STXBP5L: variants seen among roughly 807,000 people sequenced by gnomAD.
STXBP5L encodes the protein syntaxin-binding protein 5-like.
In STXBP5L, 65 loss-of-function variants were observed where a neutral mutation model predicts 144.5. The observed-to-expected ratio is 0.45, with a 90% CI of 0.37 to 0.55. The LOEUF (loss-of-function observed/expected upper bound fraction) is 0.55. Ranked by LOEUF, STXBP5L falls within the 20% of genes least tolerant of loss-of-function variation. The pLI is 0.00. For missense variants in STXBP5L, 1,298 were observed against 1,405.5 expected, an observed-to-expected ratio of 0.92 and a Z score of 1.22; for synonymous variants, 505 against 469.6, an observed-to-expected ratio of 1.08 and a Z score of -0.97.
chr3:120,961,629 TTC>T (rs1419453847), intron 3 of STXBP5L, among the ~76,000 whole-genome samples: 1 of 152,230 alleles, frequency 6.6e-6, no homozygotes, highest in Non-Finnish European at 1.5e-5. Flanking sequence ...CTACATAGTA[TTC>T]CATGGTGTAT....
At chr3:120,908,784 G>T (rs1708667879) in intron 1 of STXBP5L, among the ~76,000 whole-genome samples, 1 of 151,028 alleles carries the variant, frequency 6.6e-6, no homozygotes, top group East Asian at 2.0e-4. Flanking sequence ...AGAGCGCGGC[G>T]GCGGCTGCGG....
At chr3:121,390,059 T>C (rs573254805) in intron 22 of STXBP5L, among the ~76,000 whole-genome samples, 4 of 152,376 alleles carry the variant, frequency 2.6e-5, no homozygotes, top group Non-Finnish European at 4.4e-5. Flanking sequence ...GCTTTATGAA[T>C]CTGGGTGCTC....
rs1363541569 is a variant in STXBP5L, at chr3:121,241,411, GCA to G, written c.1400+910_1400+911del. ...CACACACACACACACACACACACAC[GCA>G]CACACCTTTCTCCCACACACACAAG... On this transcript the variant is annotated intron_variant, in intron 14 of 26. Transcript: ENST00000471454. Among the ~76,000 whole-genome samples, 13 of 86,238 alleles carry G rather than the reference GCA, an allele frequency of 1.5e-4. No individual in the cohort carries two copies. In the East Asian group the frequency reaches 4.6e-3, roughly 30 times the overall value. The allele number at this position is 86,238 out of a possible 152,430, so 56.6% of individuals were successfully genotyped here. A position where few individuals can be genotyped will look rare whatever the true frequency, so the allele number is the denominator to read the frequency against.
intron 20 of STXBP5L, among the ~76,000 whole-genome samples, chr3:121,318,886 A>G (rs757784981): frequency 3.9e-5 from 6 of 152,222 alleles, no homozygotes; most frequent in Non-Finnish European, 7.4e-5. Context: ...GAGCTGAATT[A>G]GTGGGAAATA....
intron 20 of STXBP5L, among the ~76,000 whole-genome samples, chr3:121,338,593 A>AG (rs34370117): frequency 1.1e-4 from 2 of 17,922 alleles, no homozygotes; most frequent in South Asian, 5.0e-3. Flanking sequence ...CATTTCTGTC[A>AG]AAAAAAAAAA....
intron 9 of STXBP5L, among the ~76,000 whole-genome samples, chr3:121,196,652 G>A (rs115741131): frequency 5.5e-4 from 83 of 151,362 alleles, no homozygotes; most frequent in African/African-American, 2.0e-3. Context: ...TTGATTTGAG[G>A]TAATTTTGTT....
chr3:121,023,500 C>T (rs1191242254), intron 3 of STXBP5L, among the ~76,000 whole-genome samples: 1 of 152,112 alleles, frequency 6.6e-6, no homozygotes, highest in African/African-American at 2.4e-5. Flanking sequence ...AACTACACTA[C>T]AAGGCTATGG....
chr3:121,221,559 T>TA (rs1404001866), intron 10 of STXBP5L, among the ~76,000 whole-genome samples: 4 of 151,432 alleles, frequency 2.6e-5, no homozygotes, highest in Non-Finnish European at 5.9e-5. Context: ...AAAACAAAGG[T>TA]AAAAACCCCC....
chr3:121,334,770 G>A (rs2044446532), intron 20 of STXBP5L, among the ~76,000 whole-genome samples: 1 of 151,854 alleles, frequency 6.6e-6, no homozygotes. Context: ...ATCCTTTCAT[G>A]TTAAAAGCTC....
chr3:121,002,878 C>T (rs1457791503), intron 3 of STXBP5L, among the ~76,000 whole-genome samples: 2 of 152,118 alleles, frequency 1.3e-5, no homozygotes, highest in South Asian at 2.1e-4. Context: ...CTACAAAGAA[C>T]ATGAACTCAT....
intron 11 of STXBP5L, among the ~76,000 whole-genome samples, chr3:121,231,860 A>G (rs2049320233): frequency 6.6e-6 from 1 of 152,214 alleles, no homozygotes. Flanking sequence ...TCATATCAGA[A>G]TACAAACAGA....
intron 7 of STXBP5L, among the ~76,000 whole-genome samples, chr3:121,146,114 T>G (rs1157885477): frequency 6.6e-6 from 1 of 152,024 alleles, no homozygotes; most frequent in African/African-American, 2.4e-5. Flanking sequence ...AATCCCAGTT[T>G]TCCTACTTAG....
intron 19 of STXBP5L, among the ~76,000 whole-genome samples, chr3:121,297,737 G>A (rs1577390759): frequency 6.6e-6 from 1 of 152,188 alleles, no homozygotes; most frequent in Admixed American, 6.5e-5. Context: ...CTGCGCGACA[G>A]AGTGAGACTC....
chr3:121,185,096 T>C (rs1168056137), intron 9 of STXBP5L, among the ~76,000 whole-genome samples: 1 of 152,174 alleles, frequency 6.6e-6, no homozygotes, highest in Admixed American at 6.5e-5. Flanking sequence ...TCCTGGCCAC[T>C]GCAAAAACAT....
chr3:121,111,178 G>A (rs1432519617), intron 5 of STXBP5L, among the ~76,000 whole-genome samples: 2 of 152,124 alleles, frequency 1.3e-5, no homozygotes, highest in Admixed American at 6.5e-5. Context: ...CATTGGGTTA[G>A]AACATGCTCC....
At chr3:121,311,675 G>C (rs2043534291) in intron 19 of STXBP5L, among the ~76,000 whole-genome samples, 1 of 152,138 alleles carries the variant, frequency 6.6e-6, no homozygotes, top group African/African-American at 2.4e-5. Context: ...ACAAACCACT[G>C]CTCAATGAAA....
At chr3:121,335,941 CT>C (rs1340286402) in intron 20 of STXBP5L, among the ~76,000 whole-genome samples, 1 of 152,142 alleles carries the variant, frequency 6.6e-6, no homozygotes, top group Non-Finnish European at 1.5e-5. Flanking sequence ...AACTTAAGAG[CT>C]TCTGCACAGC....
intron 22 of STXBP5L, among the ~76,000 whole-genome samples, chr3:121,394,934 A>C (rs1247639202): frequency 1.3e-5 from 2 of 152,134 alleles, no homozygotes; most frequent in South Asian, 2.1e-4. Flanking sequence ...CTGAAGAAAA[A>C]TGAAATTCCC....
At chr3:121,045,723 A>T (rs1947474451) in intron 5 of STXBP5L, among the ~76,000 whole-genome samples, 188 bp downstream of exon 5, 1 of 152,106 alleles carries the variant, frequency 6.6e-6, no homozygotes, top group Non-Finnish European at 1.5e-5. Flanking sequence ...CCAGTCACCT[A>T]CTAATGCAGT....
Sources: gnomAD v4.1 joint callset for allele counts (sites outside exome capture counted in the v4.1 genomes callset) on GRCh38, gnomAD v4.1.1 for gene constraint, MANE v1.5 for transcripts, NCBI Gene and HGNC (gene_info 2026-07-23, HGNC 2026-07-21) for gene names.